ZBTB7C: variants seen among roughly 807,000 people sequenced by gnomAD.
ZBTB7C encodes the protein zinc finger and BTB domain-containing protein 7C.
In ZBTB7C, 8 loss-of-function variants were observed where a neutral mutation model predicts 25.7. That is an observed-to-expected ratio of 0.31 (90% CI 0.18 to 0.56). The LOEUF is 0.56. Among genes scored for constraint, ZBTB7C ranks in the 20% least tolerant of loss-of-function variants. The pLI, the probability that ZBTB7C is intolerant of heterozygous loss-of-function variation, is 0.91. For synonymous variants in ZBTB7C, 394 were observed against 369.0 expected, an observed-to-expected ratio of 1.07 and a Z score of -0.78; for missense variants, 824 against 855.2, an observed-to-expected ratio of 0.96 and a Z score of 0.46.
At chr18:48,145,935 T>C (rs776818267) in intron 3 of ZBTB7C, among the ~76,000 whole-genome samples, 11 of 152,228 alleles carry the variant, frequency 7.2e-5, no homozygotes, top group Non-Finnish European at 1.6e-4. Context: ...GGTAAACCAT[T>C]GGAAAGTAAG....
At chr18:48,062,643 T>C (rs1222479933) in intron 3 of ZBTB7C, among the ~76,000 whole-genome samples, 1 of 152,190 alleles carries the variant, frequency 6.6e-6, no homozygotes, top group Non-Finnish European at 1.5e-5. Flanking sequence ...GTCACATATC[T>C]CAGGACTGCA....
At chr18:48,118,758 TA>T (rs1454611194) in intron 3 of ZBTB7C, among the ~76,000 whole-genome samples, 5 of 152,236 alleles carry the variant, frequency 3.3e-5, no homozygotes, top group Admixed American at 1.3e-4. Context: ...TGCTAAGTGA[TA>T]AAAGTAGCAC....
chr18:48,081,325 C>A (rs79895793), intron 3 of ZBTB7C, among the ~76,000 whole-genome samples: 1 of 152,178 alleles, frequency 6.6e-6, no homozygotes, highest in Non-Finnish European at 1.5e-5. Flanking sequence ...ATTCTAGACA[C>A]CTGTTGTACC....
At chr18:48,070,052 T>TGCTC (rs2037485296) in intron 3 of ZBTB7C, among the ~76,000 whole-genome samples, 1 of 152,194 alleles carries the variant, frequency 6.6e-6, no homozygotes, top group South Asian at 2.1e-4. Flanking sequence ...AAAGCATCCG[T>TGCTC]GCTCTTGTGT....
intron 1 of ZBTB7C, among the ~76,000 whole-genome samples, chr18:48,359,202 T>A (rs2047046738): frequency 6.6e-6 from 1 of 152,128 alleles, no homozygotes; most frequent in Admixed American, 6.5e-5. Flanking sequence ...ATCACCCCCA[T>A]GAACTCACAC....
chr18:48,077,064 A>G (rs1329890918), intron 3 of ZBTB7C: 30 of 142,616 alleles, frequency 2.1e-4, no homozygotes, highest in Non-Finnish European at 2.4e-4. Context: ...GTTATATGCA[A>G]AAAAAAAAAA....
intron 2 of ZBTB7C, among the ~76,000 whole-genome samples, chr18:48,336,557 A>G (rs74527674): frequency 0.032 from 4,822 of 152,318 alleles, 100 homozygotes; most frequent in South Asian, 0.098. Context: ...ACTGCAGCTC[A>G]TTCTCTGCAT....
rs1032895144 is a variant in ZBTB7C, at chr18:48,346,239, T to C, written c.-303-7841A>G. ...TCACCCCACAAAGCACTTGAAGGGC[T>C]GAGATGCTGAACATGACTGAACCTT... On this transcript the variant is annotated intron_variant, in intron 1 of 4. Transcript: ENST00000590800. Among the ~76,000 whole-genome samples, 5 of 152,368 alleles carry C rather than the reference T, an allele frequency of 3.3e-5. No homozygotes were observed. The East Asian group carries it at 9.6e-4, about 29-fold the overall frequency.
intron 2 of ZBTB7C, among the ~76,000 whole-genome samples, chr18:48,230,557 A>C (rs1183734501): frequency 6.6e-6 from 1 of 152,134 alleles, no homozygotes; most frequent in Non-Finnish European, 1.5e-5. Context: ...TTTTGGCCAT[A>C]ATTGGTGCTC....
intron 3 of ZBTB7C, among the ~76,000 whole-genome samples, chr18:48,127,218 C>T (rs1160759040): frequency 6.6e-6 from 1 of 152,202 alleles, no homozygotes; most frequent in Non-Finnish European, 1.5e-5. Context: ...AAGACTTGAA[C>T]CAGGCCCTGA....
intron 1 of ZBTB7C, among the ~76,000 whole-genome samples, chr18:48,407,738 G>A (rs986986593): frequency 6.6e-6 from 1 of 152,296 alleles, no homozygotes; most frequent in South Asian, 2.1e-4. Flanking sequence ...AAAGCAAAGG[G>A]CATGCTTTTT....
chr18:48,242,683 A>G (rs12604966), intron 2 of ZBTB7C, among the ~76,000 whole-genome samples: 16,796 of 152,214 alleles, frequency 0.11, 2,258 homozygotes, highest in East Asian at 0.66. Flanking sequence ...CAAAATCAGT[A>G]TAGAAGGACA....
At chr18:48,155,136 C>G (rs762028631) in intron 3 of ZBTB7C, among the ~76,000 whole-genome samples, 5 of 152,008 alleles carry the variant, frequency 3.3e-5, no homozygotes, top group Non-Finnish European at 7.4e-5. Context: ...AGCAAATAGG[C>G]CCCATGTGAC....
chr18:48,149,010 T>C (rs190421316), intron 3 of ZBTB7C: 30 of 152,364 alleles, frequency 2.0e-4, no homozygotes, highest in Admixed American at 1.9e-3. Context: ...TCCACCTGTA[T>C]ATTAGATTAG....
chr18:48,350,768 T>C (rs776687254), intron 1 of ZBTB7C, among the ~76,000 whole-genome samples: 2 of 152,200 alleles, frequency 1.3e-5, no homozygotes, highest in Non-Finnish European at 2.9e-5. Flanking sequence ...GCAGTATGTA[T>C]AATTTTTACA....
chr18:48,139,829 G>T (rs1170061298), intron 3 of ZBTB7C, among the ~76,000 whole-genome samples: 2 of 152,160 alleles, frequency 1.3e-5, no homozygotes, highest in Non-Finnish European at 2.9e-5. Context: ...AGGGGCTCTG[G>T]ATGCACCAGA....
At chr18:48,386,868 C>T (rs1568416531) in intron 1 of ZBTB7C, among the ~76,000 whole-genome samples, 1 of 152,228 alleles carries the variant, frequency 6.6e-6, no homozygotes, top group East Asian at 1.9e-4. Context: ...GTCTCCCACA[C>T]CTCTCTGGAG....
intron 2 of ZBTB7C, among the ~76,000 whole-genome samples, chr18:48,186,568 G>A (rs1412995143): frequency 1.3e-5 from 2 of 152,318 alleles, no homozygotes; most frequent in Admixed American, 6.5e-5. Flanking sequence ...AGGAACGTTC[G>A]GGGCGGGAGG....
At chr18:48,128,867 T>TC (rs2144760954) in intron 3 of ZBTB7C, among the ~76,000 whole-genome samples, 1 of 152,138 alleles carries the variant, frequency 6.6e-6, no homozygotes, top group East Asian at 1.9e-4. Flanking sequence ...AAATAAATTT[T>TC]TTTTTTTAAA....
Sources: gnomAD v4.1 joint callset for allele counts (sites outside exome capture counted in the v4.1 genomes callset) on GRCh38, gnomAD v4.1.1 for gene constraint, MANE v1.5 for transcripts, NCBI Gene and HGNC (gene_info 2026-07-23, HGNC 2026-07-21) for gene names.